Variants in COL14A1 observed in about 807,000 individuals in gnomAD.
COL14A1 encodes collagen type XIV alpha 1 chain.
Under a neutral mutation model 230.3 loss-of-function variants are expected in COL14A1, and 136 were observed. The ratio of observed to expected loss-of-function variants is 0.59; its 90% confidence interval spans 0.51 to 0.68. The LOEUF (loss-of-function observed/expected upper bound fraction) is 0.68. COL14A1 is among the 30% of genes least tolerant of loss of function. The pLI is 0.00. For missense variants in COL14A1, 1,976 were observed against 2,215.8 expected (o/e 0.89, Z 2.17); for synonymous variants, 792 against 784.1 (o/e 1.01, Z -0.17).
At chr8:120,244,802 C>T (rs1310059862) in intron 20 of COL14A1, among the ~76,000 whole-genome samples, 3 of 152,220 alleles carry the variant, frequency 2.0e-5, no homozygotes, top group Non-Finnish European at 4.4e-5. Flanking sequence ...CTCATGCCAT[C>T]TCCTATTCTT....
intron 33 of COL14A1, among the ~76,000 whole-genome samples, chr8:120,289,001 T>C (rs1397936659): frequency 6.6e-6 from 1 of 152,136 alleles, no homozygotes; most frequent in Non-Finnish European, 1.5e-5. Flanking sequence ...TTACAAAGAA[T>C]GTGTCAACTC....
At chr8:120,271,736 G>A (rs564620247) in intron 26 of COL14A1, among the ~76,000 whole-genome samples, 2 of 151,684 alleles carry the variant, frequency 1.3e-5, no homozygotes, top group South Asian at 2.1e-4. Context: ...GATAGAACAA[G>A]TGGAAGAAGC....
chr8:120,307,807 T>TA (rs1820898969), intron 36 of COL14A1, among the ~76,000 whole-genome samples: 1 of 152,198 alleles, frequency 6.6e-6, no homozygotes, highest in African/African-American at 2.4e-5. Context: ...CCTCTTAAAC[T>TA]ATTGGCAGAT....
At chr8:120,166,505 T>C (rs1285111241) in intron 4 of COL14A1, among the ~76,000 whole-genome samples, 1 of 143,912 alleles carries the variant, frequency 6.9e-6, no homozygotes, top group Non-Finnish European at 1.5e-5. Context: ...TCTAAGTCTC[T>C]ACCTCTGAAT....
In COL14A1 at chr8:120,199,402, G is replaced by A. The variant is rs747654349; in HGVS notation, c.713G>A (p.Gly238Asp). The change falls in exon 8 of 48, where the codon GGT (glycine) becomes GAT (aspartate). Residue 238 changes from glycine to aspartate, a missense_variant and splice_region_variant. Transcript: ENST00000297848. ...LPYKGGNTLT[G>D]LALNYIFENS... ...TTTACTTTTCCTTGTTTTCTCCAAGGTCTTGCTTTGAACTACATTTTTGAA... is the reference window on the plus strand; with the variant it reads ...TTTACTTTTCCTTGTTTTCTCCAAGATCTTGCTTTGAACTACATTTTTGAA... The A allele has an allele frequency of 1.3e-6, 2 of 1,586,612 alleles. No individual in the cohort carries two copies. The highest frequency in any genetic ancestry group is 1.7e-6 in the Non-Finnish European group (2 of 1,170,782).
intron 33 of COL14A1, among the ~76,000 whole-genome samples, chr8:120,287,232 C>G (rs956993603): frequency 6.6e-6 from 1 of 150,978 alleles, no homozygotes; most frequent in Non-Finnish European, 1.5e-5. Context: ...AAAAAAACAA[C>G]TTGCTTTTTT....
At chr8:120,345,727 A>G (rs1021773895) in intron 45 of COL14A1, among the ~76,000 whole-genome samples, 164 bp downstream of exon 45, 1 of 152,228 alleles carries the variant, frequency 6.6e-6, no homozygotes, top group African/African-American at 2.4e-5. Context: ...TGAGATTGAG[A>G]AAATTGAGCA....
At chr8:120,295,078 T>A (rs150484896) in intron 34 of COL14A1, among the ~76,000 whole-genome samples, 1 of 151,984 alleles carries the variant, frequency 6.6e-6, no homozygotes, top group African/African-American at 2.4e-5. Context: ...GGCCTTTGCT[T>A]TAAGTAAGTC....
intron 40 of COL14A1, among the ~76,000 whole-genome samples, chr8:120,328,865 G>A (rs1821775162): frequency 6.6e-6 from 1 of 152,162 alleles, no homozygotes; most frequent in African/African-American, 2.4e-5. Context: ...TTTTTGGAAT[G>A]TTTCCCCTCT....
intron 5 of COL14A1, among the ~76,000 whole-genome samples, chr8:120,182,031 G>C (rs796554024): frequency 1.2e-3 from 184 of 152,224 alleles, no homozygotes; most frequent in African/African-American, 4.3e-3. Context: ...TAGACCTCCA[G>C]TTTTCCTCTA....
At position 120,128,221 on chromosome 8, in the gene COL14A1, G is replaced by GCA. The variant is rs1491323643; in HGVS notation, c.-38+2882_-38+2883insAC. On this transcript the variant is annotated intron_variant, in intron 1 of 47. Coordinates refer to ENST00000297848, the MANE Select transcript of COL14A1 (RefSeq NM_021110.4). Reference sequence around the variant, plus strand: ...TCCTGTGACGTGTGTGTGTGTGTGTGCGCGCGCGTGTGTGTGTGTGTGTGT... The same window carrying GCA: ...TCCTGTGACGTGTGTGTGTGTGTGTGCACGCGCGCGTGTGTGTGTGTGTGTGT... 9.0e-5 allele frequency among the ~76,000 whole-genome samples: 7 copies of GCA among 78,128 alleles called. No homozygotes were observed. In the East Asian group the frequency reaches 2.1e-3, roughly 23 times the overall value. 51.3% of individuals were successfully genotyped at this position (78,128 alleles called of 152,430 possible).
rs548930287 is a variant in COL14A1 at position 120,226,342 on chromosome 8, T to C, written c.1865-285T>C. The stretch of plus-strand genomic sequence containing the variant: ...ATGAATATGGCACTCTTGTTTTTTA[T>C]AGTTAATGAAAACAGCCAAATAGAA... On this transcript the variant is annotated intron_variant, in intron 15 of 47. Transcript: ENST00000297848. Among the ~76,000 whole-genome samples, 3 of 152,282 alleles carry C rather than the reference T, an allele frequency of 2.0e-5. No individual in the cohort carries two copies. In the South Asian group the frequency reaches 6.2e-4, roughly 32 times the overall value.
At chr8:120,247,475 T>C (rs1818801104) in intron 20 of COL14A1, 138 bp from the exon 21 acceptor site, 4 of 745,100 alleles carry the variant, frequency 5.4e-6, no homozygotes, top group Admixed American at 3.5e-5. Flanking sequence ...AGGCTTCTCA[T>C]TGTGTGTTTC....
intron 2 of COL14A1, among the ~76,000 whole-genome samples, chr8:120,149,987 C>G: frequency 6.6e-6 from 1 of 152,260 alleles, no homozygotes; most frequent in South Asian, 2.1e-4. Context: ...AACCATCGTG[C>G]CCAGCCACCA....
At chr8:120,151,634 C>T (rs758310467) in intron 2 of COL14A1, among the ~76,000 whole-genome samples, 5 of 94,420 alleles carry the variant, frequency 5.3e-5, no homozygotes, top group Admixed American at 4.8e-4. Flanking sequence ...AGCAAGACTC[C>T]GTCTCAAAAA....
At chr8:120,165,810 G>T (rs776153967) in intron 4 of COL14A1, among the ~76,000 whole-genome samples, 1 of 152,198 alleles carries the variant, frequency 6.6e-6, no homozygotes, top group Non-Finnish European at 1.5e-5. Flanking sequence ...TTACTTACAG[G>T]TCCTGGGAGT....
At chr8:120,339,742 A>G (rs1822218137) in intron 42 of COL14A1, among the ~76,000 whole-genome samples, 1 of 152,172 alleles carries the variant, frequency 6.6e-6, no homozygotes, top group Non-Finnish European at 1.5e-5. Context: ...CATGTTTAAA[A>G]AAAAAAAGTG....
intron 37 of COL14A1, among the ~76,000 whole-genome samples, chr8:120,310,874 A>T (rs1265351077): frequency 6.6e-6 from 1 of 152,188 alleles, no homozygotes. Context: ...GAGGCATTTA[A>T]GGCCCTTTGT....
At chr8:120,368,160 G>A (rs1231748788) in intron 46 of COL14A1, among the ~76,000 whole-genome samples, 1 of 152,026 alleles carries the variant, frequency 6.6e-6, no homozygotes, top group African/African-American at 2.4e-5. Flanking sequence ...TGAGTTTTGT[G>A]TATTATATGC....
Sources: allele counts gnomAD v4.1 joint callset (sites outside exome capture counted in the v4.1 genomes callset), GRCh38; gene constraint gnomAD v4.1.1; transcripts MANE v1.5; gene names NCBI Gene and HGNC (gene_info 2026-07-23, HGNC 2026-07-21).